SH3RF1: variants seen among roughly 807,000 people sequenced by gnomAD.
SH3RF1 encodes the protein SH3 domain containing ring finger 1, also known as E3 ubiquitin-protein ligase SH3RF1.
In SH3RF1, 32 loss-of-function variants were observed where a neutral mutation model predicts 74.0. The ratio of observed to expected loss-of-function variants is 0.43; its 90% confidence interval spans 0.33 to 0.58. The LOEUF is 0.58. Ranked by LOEUF, SH3RF1 falls within the 20% of genes least tolerant of loss-of-function variation. The pLI is 0.05. For missense variants in SH3RF1, 954 were observed against 1,130.9 expected, an observed-to-expected ratio of 0.84 and a Z score of 2.24; for synonymous variants, 396 against 439.6, an observed-to-expected ratio of 0.90 and a Z score of 1.24.
At chr4:169,252,005 A>T (rs1386906323) in intron 2 of SH3RF1, among the ~76,000 whole-genome samples, 1 of 152,234 alleles carries the variant, frequency 6.6e-6, no homozygotes, top group East Asian at 1.9e-4. Context: ...GTTGAAGCCT[A>T]TAAAAGATAG....
At chr4:169,252,613 AT>A (rs1263144928) in intron 2 of SH3RF1, among the ~76,000 whole-genome samples, 3 of 152,186 alleles carry the variant, frequency 2.0e-5, no homozygotes, top group Non-Finnish European at 4.4e-5. Context: ...CTGTGAATCA[AT>A]TTTTGCCTCA....
chr4:169,179,781 C>T (rs954876403), intron 2 of SH3RF1, among the ~76,000 whole-genome samples: 3 of 152,184 alleles, frequency 2.0e-5, no homozygotes, highest in Non-Finnish European at 4.4e-5. Flanking sequence ...ACAAAATTTA[C>T]TTTGAATAAA....
chr4:169,184,472 G>A (rs1734571650), intron 2 of SH3RF1, among the ~76,000 whole-genome samples: 1 of 152,150 alleles, frequency 6.6e-6, no homozygotes, highest in Non-Finnish European at 1.5e-5. Flanking sequence ...TCACTTCATT[G>A]CAAGCTCCTT....
At chr4:169,155,051 C>T (rs1734029560) in intron 4 of SH3RF1, among the ~76,000 whole-genome samples, 1 of 152,116 alleles carries the variant, frequency 6.6e-6, no homozygotes, top group Non-Finnish European at 1.5e-5. Context: ...TTTATTGAAG[C>T]CCTACTTTGC....
chr4:169,102,501 C>G (rs529228529), intron 11 of SH3RF1, among the ~76,000 whole-genome samples: 7 of 152,002 alleles, frequency 4.6e-5, no homozygotes, highest in African/African-American at 1.7e-4. Flanking sequence ...TGCTGTGTCT[C>G]CCTGAACTCT....
intron 2 of SH3RF1, among the ~76,000 whole-genome samples, chr4:169,266,029 G>A (rs111276196): frequency 1.4e-4 from 21 of 152,214 alleles, no homozygotes; most frequent in African/African-American, 4.1e-4. Flanking sequence ...TCATTCCACT[G>A]CTTGACTTTG....
chr4:169,194,085 A>T (rs1361842007), intron 2 of SH3RF1, among the ~76,000 whole-genome samples: 1 of 152,000 alleles, frequency 6.6e-6, no homozygotes, highest in Non-Finnish European at 1.5e-5. Flanking sequence ...ACATCCCAAC[A>T]TTTTTTTTAG....
At chr4:169,115,673 T>A (rs1338849786) in intron 10 of SH3RF1, among the ~76,000 whole-genome samples, 2 of 152,174 alleles carry the variant, frequency 1.3e-5, no homozygotes. Flanking sequence ...GTAATGAGCT[T>A]GAATCATTCT....
intron 2 of SH3RF1, among the ~76,000 whole-genome samples, chr4:169,254,784 T>C (rs540113859): frequency 2.6e-5 from 4 of 152,328 alleles, no homozygotes; most frequent in African/African-American, 9.6e-5. Flanking sequence ...AGAGCTCTTC[T>C]GGACCTGAAC....
intron 4 of SH3RF1, among the ~76,000 whole-genome samples, chr4:169,138,879 A>G (rs1320319439): frequency 2.6e-5 from 4 of 152,318 alleles, no homozygotes; most frequent in Non-Finnish European, 2.9e-5. Flanking sequence ...TCAACAGAAC[A>G]ATACTGGGTG....
intron 2 of SH3RF1, among the ~76,000 whole-genome samples, chr4:169,173,362 C>T (rs966838657): frequency 2.0e-5 from 3 of 152,004 alleles, no homozygotes; most frequent in African/African-American, 4.8e-5. Flanking sequence ...AAACTCCCAC[C>T]GTGCCCCCTT....
intron 2 of SH3RF1, among the ~76,000 whole-genome samples, chr4:169,162,976 T>A (rs1734174359): frequency 6.6e-6 from 1 of 151,898 alleles, no homozygotes; most frequent in Non-Finnish European, 1.5e-5. Context: ...TGCAATCCAA[T>A]CCACCATCGC....
At chr4:169,198,079 T>C (rs1371034267) in intron 2 of SH3RF1, among the ~76,000 whole-genome samples, 2 of 152,228 alleles carry the variant, frequency 1.3e-5, no homozygotes, top group Non-Finnish European at 2.9e-5. Context: ...GTCCAAATTA[T>C]TGCATCTAAT....
chr4:169,201,270 A>G (rs548418659), intron 2 of SH3RF1, among the ~76,000 whole-genome samples: 1 of 152,320 alleles, frequency 6.6e-6, no homozygotes, highest in South Asian at 2.1e-4. Context: ...TGGCTTTAAC[A>G]ATTGACGAAT....
At chr4:169,221,665 AAT>A (rs1730566112) in intron 2 of SH3RF1, among the ~76,000 whole-genome samples, 1 of 152,206 alleles carries the variant, frequency 6.6e-6, no homozygotes, top group Non-Finnish European at 1.5e-5. Flanking sequence ...TAATCTATAA[AAT>A]AAAGGCAACA....
intron 2 of SH3RF1, among the ~76,000 whole-genome samples, chr4:169,190,266 G>A (rs1368025100): frequency 6.6e-6 from 1 of 151,970 alleles, no homozygotes; most frequent in Non-Finnish European, 1.5e-5. Context: ...AAATACAAAA[G>A]ATAAATGAAA....
At chr4:169,173,999 TTA>T (rs35680762) in intron 2 of SH3RF1, among the ~76,000 whole-genome samples, 9 of 149,072 alleles carry the variant, frequency 6.0e-5, no homozygotes, top group Non-Finnish European at 7.4e-5. Context: ...ATTTCCTGAG[TTA>T]TATATATATA....
At chr4:169,191,642 C>T (rs906826192) in intron 2 of SH3RF1, among the ~76,000 whole-genome samples, 1 of 152,120 alleles carries the variant, frequency 6.6e-6, no homozygotes, top group South Asian at 2.1e-4. Context: ...TGACTTCAAA[C>T]TATACTAAAG....
intron 2 of SH3RF1, among the ~76,000 whole-genome samples, chr4:169,238,472 C>A (rs1344335261): frequency 5.9e-5 from 9 of 152,214 alleles, no homozygotes; most frequent in Non-Finnish European, 1.3e-4. Context: ...GTTCCAAACA[C>A]CCAGTACATT....
Sources: allele counts gnomAD v4.1 joint callset (sites outside exome capture counted in the v4.1 genomes callset), GRCh38; gene constraint gnomAD v4.1.1; transcripts MANE v1.5; gene names NCBI Gene and HGNC (gene_info 2026-07-23, HGNC 2026-07-21).